PRDM11: variants seen among roughly 807,000 people sequenced by gnomAD.
PRDM11 encodes PR/SET domain 11.
In PRDM11, 20 loss-of-function variants were observed where a neutral mutation model predicts 97.8. The observed-to-expected ratio is 0.20, with a 90% CI of 0.14 to 0.30. PRDM11 has a LOEUF of 0.30. PRDM11 is among the 10% of genes least tolerant of loss of function. PRDM11 has a pLI of 1.00. For synonymous variants in PRDM11, 599 were observed against 637.7 expected, an observed-to-expected ratio of 0.94 and a Z score of 0.91; for missense variants, 1,139 against 1,555.2, an observed-to-expected ratio of 0.73 and a Z score of 4.50.
chr11:45,110,579 C>T (rs1590342936), intron 1 of PRDM11, among the ~76,000 whole-genome samples: 1 of 152,208 alleles, frequency 6.6e-6, no homozygotes, highest in Non-Finnish European at 1.5e-5. Context: ...GGCTAAAGTG[C>T]CCAGAAAGAG....
intron 1 of PRDM11, among the ~76,000 whole-genome samples, chr11:45,176,818 C>T (rs774362490): frequency 6.6e-6 from 1 of 152,142 alleles, no homozygotes; most frequent in Non-Finnish European, 1.5e-5. Context: ...AATTCCAAGC[C>T]CTTGCCCACC....
At chr11:45,197,926 C>T (rs1853186736) in intron 4 of PRDM11, among the ~76,000 whole-genome samples, 1 of 151,928 alleles carries the variant, frequency 6.6e-6, no homozygotes, top group Non-Finnish European at 1.5e-5. Flanking sequence ...ATGTAAATGA[C>T]GAGTTAACGG....
At chr11:45,205,857 C>T (rs1389288933) in intron 5 of PRDM11, among the ~76,000 whole-genome samples, 1 of 152,188 alleles carries the variant, frequency 6.6e-6, no homozygotes, top group Non-Finnish European at 1.5e-5. Context: ...TTCACACCTC[C>T]CAGATTACTT....
chr11:45,213,404 G>A (rs901906562), intron 5 of PRDM11: 2 of 444,988 alleles, frequency 4.5e-6, no homozygotes, highest in Admixed American at 2.4e-5. Context: ...TGGGGCTGCT[G>A]CATCGGCCTC....
intron 1 of PRDM11, among the ~76,000 whole-genome samples, chr11:45,134,701 G>GAAAAAAAAAAAAAAAAAAAAAAAAAAAAA (rs1191008824): frequency 6.8e-5 from 3 of 44,262 alleles, no homozygotes; most frequent in Non-Finnish European, 1.1e-4. Flanking sequence ...CCTGTCTCAC[G>GAAAAAAAAAAAAAAAAAAAAAAAAAAAAA]AAAAAAAAAA....
intron 1 of PRDM11, among the ~76,000 whole-genome samples, chr11:45,168,174 G>A (rs1489059651): frequency 6.6e-6 from 1 of 152,204 alleles, no homozygotes; most frequent in Non-Finnish European, 1.5e-5. Flanking sequence ...GGAACAGCGA[G>A]GGAGGGAGGA....
Position 45,224,438 on chromosome 11 carries a change from C to A in PRDM11, c.964C>A (p.Gln322Lys). 1 of 1,614,196 alleles carries A rather than the reference C, an allele frequency of 6.2e-7. No homozygotes were observed. The highest frequency in any genetic ancestry group is 1.3e-5 in the African/African-American group (1 of 75,048). ...SLESAKVEAH[Q>K]LALSTSLVIR... ...GGAATCTGCGAAGGTGGAAGCCCAC[C>A]AGTTGGCCCTGAGCACCTCACTGGT... The change falls in exon 7 of 8, where the codon CAG (glutamine) becomes AAG (lysine). Residue 322 changes from glutamine to lysine, a missense_variant. Gln to Lys is a moderately conservative substitution (Grantham distance 53). Coordinates refer to ENST00000683152, the MANE Select transcript of PRDM11 (RefSeq NM_001384648.1).
At chr11:45,192,664 T>G (rs1852957208) in intron 4 of PRDM11, among the ~76,000 whole-genome samples, 1 of 152,232 alleles carries the variant, frequency 6.6e-6, no homozygotes, top group Non-Finnish European at 1.5e-5. Flanking sequence ...TAGCTGTGTT[T>G]CTCACACCTG....
chr11:45,208,791 C>A (rs540188632), intron 5 of PRDM11: 1 of 366,724 alleles, frequency 2.7e-6, no homozygotes, highest in South Asian at 2.0e-5. Flanking sequence ...GGCTCCCCAG[C>A]TGGGGGCCAG....
intron 5 of PRDM11, among the ~76,000 whole-genome samples, chr11:45,218,122 G>A (rs2033083753): frequency 6.6e-6 from 1 of 151,944 alleles, no homozygotes; most frequent in South Asian, 2.1e-4. Flanking sequence ...TTATATAAAT[G>A]TAACATCATT....
chr11:45,124,643 A>G (rs1340251760), intron 1 of PRDM11, among the ~76,000 whole-genome samples: 3 of 152,202 alleles, frequency 2.0e-5, no homozygotes, highest in African/African-American at 7.2e-5. Flanking sequence ...GATTACATTT[A>G]TTGATTTGCA....
At chr11:45,109,075 T>C (rs1444444955) in intron 1 of PRDM11, among the ~76,000 whole-genome samples, 1 of 152,204 alleles carries the variant, frequency 6.6e-6, no homozygotes, top group Non-Finnish European at 1.5e-5. Context: ...CTCTGGGCAC[T>C]CAAGGCTGGA....
intron 4 of PRDM11, among the ~76,000 whole-genome samples, chr11:45,192,535 A>G (rs994986757): frequency 5.3e-4 from 80 of 152,308 alleles, no homozygotes; most frequent in African/African-American, 1.7e-3. Context: ...CTGTACATCT[A>G]TTGTATCAGA....
chr11:45,196,834 C>T (rs150245914), intron 4 of PRDM11, among the ~76,000 whole-genome samples: 28 of 152,276 alleles, frequency 1.8e-4, no homozygotes, highest in Middle Eastern at 3.4e-3. Flanking sequence ...TCCTGGATTC[C>T]GATCCTGGCT....
intron 1 of PRDM11, among the ~76,000 whole-genome samples, chr11:45,112,101 A>G (rs1204347550): frequency 2.0e-5 from 3 of 152,062 alleles, no homozygotes; most frequent in African/African-American, 7.2e-5. Flanking sequence ...TTACCCTCCC[A>G]ACCTTCCCCC....
intron 1 of PRDM11, among the ~76,000 whole-genome samples, chr11:45,118,048 A>G (rs1033384780): frequency 6.6e-6 from 1 of 152,202 alleles, no homozygotes; most frequent in East Asian, 1.9e-4. Flanking sequence ...AATTGAACAA[A>G]TTCCAACAGT....
intron 4 of PRDM11, among the ~76,000 whole-genome samples, chr11:45,186,284 G>A (rs1223536183): frequency 1.9e-5 from 2 of 107,384 alleles, no homozygotes; most frequent in Non-Finnish European, 3.8e-5. Context: ...GCCTGAAATC[G>A]AGGAGATCAG....
At chr11:45,183,259 T>TGCTGTCC in intron 4 of PRDM11, 136 bp downstream of exon 4, 1 of 1,230,268 alleles carries the variant, frequency 8.1e-7, no homozygotes, top group South Asian at 1.6e-5. Flanking sequence ...TGATGGATCT[T>TGCTGTCC]GCTGTCCCCT....
intron 1 of PRDM11, among the ~76,000 whole-genome samples, chr11:45,113,885 G>T (rs1852246483): frequency 6.7e-6 from 1 of 149,878 alleles, no homozygotes; most frequent in South Asian, 2.1e-4. Flanking sequence ...GGCTCTACTG[G>T]ATTTGTTTAT....
Sources: allele counts gnomAD v4.1 joint callset (sites outside exome capture counted in the v4.1 genomes callset), GRCh38; gene constraint gnomAD v4.1.1; transcripts MANE v1.5; gene names NCBI Gene and HGNC (gene_info 2026-07-23, HGNC 2026-07-21).